Variants in CDHR2 observed in about 807,000 individuals in gnomAD.
CDHR2 encodes the protein cadherin related family member 2, also known as cadherin-related family member 2.
In CDHR2, 104 loss-of-function variants were observed where a neutral mutation model predicts 138.6. The observed-to-expected ratio is 0.75, with a 90% CI of 0.64 to 0.88. CDHR2 has a LOEUF of 0.88. Ranked by LOEUF, CDHR2 falls within the 40% of genes least tolerant of loss-of-function variation. The pLI is 0.00. For missense variants in CDHR2, 1,624 were observed against 1,727.6 expected, an observed-to-expected ratio of 0.94 and a Z score of 1.06; for synonymous variants, 755 against 742.8, an observed-to-expected ratio of 1.02 and a Z score of -0.27.
Position 176,588,307 on chromosome 5 carries a change from T to C in CDHR2, c.2857-724T>C, listed in dbSNP as rs554741984. Among the ~76,000 whole-genome samples, 179 of 151,850 alleles carry C rather than the reference T, an allele frequency of 1.2e-3. 1 individual carries two copies. The highest frequency in any genetic ancestry group is 1.2e-3 in the Admixed American group (19 of 15,220). On this transcript the variant is annotated intron_variant, in intron 21 of 31. Transcript: ENST00000261944. ...CAGTGTGTGGGTATGTAGGTGATTGTGGGTGTGTATGTGTGTGACTGTGCA... is the reference window on the plus strand; with the variant it reads ...CAGTGTGTGGGTATGTAGGTGATTGCGGGTGTGTATGTGTGTGACTGTGCA...
intron 21 of CDHR2, 129 bp from the exon 22 acceptor site, chr5:176,588,902 C>T: frequency 2.3e-6 from 2 of 875,416 alleles, no homozygotes; most frequent in Non-Finnish European, 3.6e-6. Flanking sequence ...TTATTCGGGG[C>T]AGCGTGGGGA....
chr5:176,575,649 G>A, intron 10 of CDHR2, 68 bp downstream of exon 10: 1 of 1,598,428 alleles, frequency 6.3e-7, no homozygotes, highest in Non-Finnish European at 8.6e-7. Flanking sequence ...CAGAGTCCCT[G>A]GAGGCAATGG....
intron 17 of CDHR2, 140 bp downstream of exon 17, chr5:176,581,722 T>A: frequency 9.1e-7 from 1 of 1,100,280 alleles, no homozygotes; most frequent in Non-Finnish European, 1.3e-6. Context: ...CCCAGGCAAT[T>A]ACTCAACCTC....
At chr5:176,545,663 G>A (rs182943368), upstream of CDHR2, among the ~76,000 whole-genome samples, 482 of 152,338 alleles carry the variant, frequency 3.2e-3, no homozygotes, top group African/African-American at 0.011. Flanking sequence ...AGTGTGGGAG[G>A]TGGTGTACCT....
At chr5:176,574,978 G>A (rs1202066634) in intron 7 of CDHR2, 106 bp from the exon 8 acceptor site, 13 of 1,397,386 alleles carry the variant, frequency 9.3e-6, no homozygotes, top group Admixed American at 3.9e-5. Flanking sequence ...TGCCAGTGGC[G>A]TGACTGGTCA....
chr5:176,553,912 T>G lies in CDHR2; in HGVS notation c.-16+4498T>G, dbSNP rs890859491. On this transcript the variant is annotated intron_variant, in intron 1 of 31. Transcript: ENST00000261944. This position sits in a 1 kb window ranked among gnomAD's most constrained non-coding sequence, Gnocchi z 4.3. Reference sequence around the variant, plus strand: ...CCATGACCACCTCACTCACTGCCCTTGACTCCAGCGCTATGATGTCACTCT... The same window carrying G: ...CCATGACCACCTCACTCACTGCCCTGGACTCCAGCGCTATGATGTCACTCT... Among the ~76,000 whole-genome samples, 2 of 152,214 alleles carry G rather than the reference T, an allele frequency of 1.3e-5. No individual in the cohort carries two copies. Among genetic ancestry groups the G allele is most frequent in the Admixed American group, 6.5e-5 (1 of 15,278 alleles).
At chr5:176,593,031 C>G (rs1215742931) in intron 31 of CDHR2, among the ~76,000 whole-genome samples, 1 of 152,190 alleles carries the variant, frequency 6.6e-6, no homozygotes, top group African/African-American at 2.4e-5. Flanking sequence ...GGAACATCAA[C>G]CATGCAGGGC....
At chr5:176,545,142 GTC>G (rs1230024686), upstream of CDHR2, among the ~76,000 whole-genome samples, 1 of 152,038 alleles carries the variant, frequency 6.6e-6, no homozygotes, top group Non-Finnish European at 1.5e-5. Context: ...TGGGGACAGA[GTC>G]TCACTCTGTC....
At position 176,595,625 on chromosome 5, in the gene CDHR2, G is replaced by A. The variant is rs779185964; in HGVS notation, c.3886G>A (p.Glu1296Lys). 1 of 1,612,262 alleles carries A rather than the reference G, an allele frequency of 6.2e-7. No homozygotes were observed. Among genetic ancestry groups the A allele is most frequent in the Admixed American group, 1.7e-5 (1 of 59,870 alleles). ...GRQAGASGQL[E>K]GPSYTNAGLD... is the part of the protein sequence containing the mutation. ...GCAGGCAGGCGCAAGTGGACAGCTG[G>A]AGGGGCCATCCTACACCAACGCTGG... The change falls in exon 32 of 32, where the codon GAG (glutamate) becomes AAG (lysine). Residue 1296 changes from glutamate (E) to lysine (K), a missense_variant. Coordinates refer to ENST00000261944, the MANE Select transcript of CDHR2 (RefSeq NM_017675.6).
At chr5:176,567,081 G>C in intron 3 of CDHR2, 1 of 454,106 alleles carries the variant, frequency 2.2e-6, no homozygotes, top group Non-Finnish European at 4.4e-6. Context: ...AAAGTTCCCT[G>C]TGTCCAGTTC....
In CDHR2 at chr5:176,565,759, TG is replaced by T; in HGVS notation, c.124+17del. 6.2e-7 allele frequency: 1 copy of T among 1,608,118 alleles called. No individual in the cohort carries two copies. On this transcript the variant is annotated intron_variant, in intron 3 of 31. Transcript: ENST00000261944. ...CTGCCTGTGGGTGAGTCCCGGTCCCTGTGTCTGCCCCATGTCAGGTCCTGAC... is the reference window on the plus strand; with the variant it reads ...CTGCCTGTGGGTGAGTCCCGGTCCCTTGTCTGCCCCATGTCAGGTCCTGAC...
At chr5:176,588,692 TGA>T (rs1229176561) in intron 21 of CDHR2, among the ~76,000 whole-genome samples, 4 of 139,032 alleles carry the variant, frequency 2.9e-5, no homozygotes, top group Admixed American at 7.6e-5. Flanking sequence ...GGTGTGTATG[TGA>T]GAGAGACTGT....
At chr5:176,564,611 G>A (rs369025655) in intron 1 of CDHR2, among the ~76,000 whole-genome samples, 8 of 152,162 alleles carry the variant, frequency 5.3e-5, no homozygotes, top group African/African-American at 1.9e-4. Context: ...CAAAAAGACT[G>A]GCCCAGCAGG....
chr5:176,577,320 T>C (rs1410449233), intron 12 of CDHR2, 79 bp from the exon 13 acceptor site: 57 of 1,477,580 alleles, frequency 3.9e-5, no homozygotes, highest in Non-Finnish European at 5.0e-5. Context: ...CATCCAGAGA[T>C]AGAAGCCTGG....
chr5:176,590,502 C>T lies in CDHR2; in HGVS notation c.3414+17C>T, dbSNP rs181833001. 6.8e-4 allele frequency: 1,105 copies of T among 1,613,852 alleles called. 8 individuals carry two copies. The East Asian group carries it at 0.016, about 24-fold the overall frequency. On this transcript the variant is annotated intron_variant, in intron 27 of 31. Coordinates refer to ENST00000261944, the MANE Select transcript of CDHR2 (RefSeq NM_017675.6). ...GTGGTGCTGGTGAGTGCGGGCAGGGCGGGGCAGCAGGTGGGGCTGCTGAAG... is the reference window on the plus strand; with the variant it reads ...GTGGTGCTGGTGAGTGCGGGCAGGGTGGGGCAGCAGGTGGGGCTGCTGAAG...
chr5:176,562,403 C>T (rs572014772), intron 1 of CDHR2, among the ~76,000 whole-genome samples: 4 of 150,966 alleles, frequency 2.6e-5, no homozygotes, highest in Non-Finnish European at 5.9e-5. Context: ...GTCAGAATGG[C>T]GTGGGCAGGT....
At chr5:176,561,797 G>A (rs536936487) in intron 1 of CDHR2, among the ~76,000 whole-genome samples, 34 of 152,030 alleles carry the variant, frequency 2.2e-4, no homozygotes, top group African/African-American at 8.0e-4. Flanking sequence ...GTGCCACCTC[G>A]CCCGGCTAAT....
At chr5:176,552,105 C>T (rs963220730) in intron 1 of CDHR2, among the ~76,000 whole-genome samples, 3 of 152,226 alleles carry the variant, frequency 2.0e-5, no homozygotes, top group African/African-American at 7.2e-5. Context: ...ATGCGTTGGC[C>T]TGAGGCTGCC....
intron 6 of CDHR2, among the ~76,000 whole-genome samples, chr5:176,573,725 G>A (rs1399319680): frequency 1.3e-5 from 2 of 152,134 alleles, no homozygotes; most frequent in South Asian, 4.1e-4. Context: ...CTCCAGCTCT[G>A]TAGGGCGCTG....
Sources: allele counts gnomAD v4.1 joint callset (sites outside exome capture counted in the v4.1 genomes callset), GRCh38; gene constraint gnomAD v4.1.1; non-coding constraint Gnocchi (gnomAD v3.1); transcripts MANE v1.5; gene names NCBI Gene and HGNC (gene_info 2026-07-23, HGNC 2026-07-21).